The following NWD1 variants were observed in gnomAD, a reference collection of about 807,000 sequenced individuals.
NWD1 encodes NACHT and WD repeat domain containing 1.
NWD1 carries 129 observed loss-of-function variants against 135.1 expected under a neutral mutation model. The observed-to-expected ratio is 0.96, with a 90% CI of 0.83 to 1.11. NWD1 has a LOEUF of 1.11. NWD1 is among the 50% of genes least tolerant of loss of function. The pLI is 0.00. For synonymous variants in NWD1, 773 were observed against 786.0 expected (o/e 0.98, Z 0.28); for missense variants, 1,740 against 1,851.3 (o/e 0.94, Z 1.10).
intron 13 of NWD1, among the ~76,000 whole-genome samples, chr19:16,790,178 GA>G (rs938302420): frequency 6.6e-6 from 1 of 151,732 alleles, no homozygotes. Context: ...ATGCCAGGAG[GA>G]AAAAAAATCT....
At position 16,815,259 on chromosome 19, in the gene NWD1, T is replaced by TG; in HGVS notation, c.*222dup. 1 of 781,612 alleles carries TG rather than the reference T, an allele frequency of 1.3e-6. No homozygotes were observed. Among genetic ancestry groups the TG allele is most frequent in the South Asian group, 1.3e-5 (1 of 74,634 alleles). 48.4% of individuals were successfully genotyped at this position (781,612 alleles called of 1,614,324 possible). A position where few individuals can be genotyped will look rare whatever the true frequency, so the allele number is the denominator to read the frequency against. ...GCAGCTGCAGGAGCTCCCCAGGACT[T>TG]GGAGTCAGAAAGTGCCCAGGGAAAT... On this transcript the variant is annotated 3_prime_UTR_variant, in exon 19 of 19. Coordinates refer to ENST00000524140, the MANE Select transcript of NWD1 (RefSeq NM_001007525.5).
At chr19:16,761,399 T>C (rs1353022760) in intron 7 of NWD1, among the ~76,000 whole-genome samples, 1 of 146,952 alleles carries the variant, frequency 6.8e-6, no homozygotes, top group East Asian at 1.9e-4. Context: ...TTTTTCTTTT[T>C]GGAGTCTCTC....
At chr19:16,761,919 CA>C in intron 7 of NWD1, 59 bp from the exon 8 acceptor site, 1 of 1,452,112 alleles carries the variant, frequency 6.9e-7, no homozygotes, top group Non-Finnish European at 9.5e-7. Context: ...GGAAGACAAG[CA>C]GCCACCTTTG....
At chr19:16,805,191 T>C (rs1047352896) in intron 17 of NWD1, among the ~76,000 whole-genome samples, 1 of 152,070 alleles carries the variant, frequency 6.6e-6, no homozygotes. Flanking sequence ...CCCGAGTAGC[T>C]GAGATTACAG....
rs57075970 is a variant in NWD1, at chr19:16,790,632, TAAAA to T, written c.2941-712_2941-709del. 2.7e-3 allele frequency among the ~76,000 whole-genome samples: 127 copies of T among 47,444 alleles called. 2 individuals are homozygous for T. Among genetic ancestry groups the T allele is most frequent in the African/African-American group, 7.9e-3 (121 of 15,330 alleles). The allele number at this position is 47,444 out of a possible 152,430, so 31.1% of individuals were successfully genotyped here. On this transcript the variant is annotated intron_variant, in intron 13 of 18. Coordinates refer to ENST00000524140, the MANE Select transcript of NWD1 (RefSeq NM_001007525.5). Reference sequence around the variant, plus strand: ...TGTATCCCAAAACTGAAAGTAACATTAAAAAAAAATAAATAAATAAATAAATAAA... The same window carrying T: ...TGTATCCCAAAACTGAAAGTAACATTAAAAATAAATAAATAAATAAATAAA...
chr19:16,733,004 T>A (rs1967641976), intron 3 of NWD1, among the ~76,000 whole-genome samples: 1 of 151,776 alleles, frequency 6.6e-6, no homozygotes, highest in African/African-American at 2.4e-5. Context: ...GGAGGATTGC[T>A]GGAGGCCAGG....
intron 3 of NWD1, among the ~76,000 whole-genome samples, chr19:16,732,658 A>AAAAAAAAAAAG (rs1967624181): frequency 5.7e-5 from 7 of 123,460 alleles, no homozygotes; most frequent in African/African-American, 2.6e-4. Flanking sequence ...TCATCTCAAA[A>AAAAAAAAAAAG]AAAAAAAAAA....
chr19:16,814,931 G>C (rs1666353533), intron 18 of NWD1, 97 bp from the exon 19 acceptor site: 7 of 1,043,972 alleles, frequency 6.7e-6, no homozygotes, highest in Admixed American at 2.2e-5. Flanking sequence ...AGAGGGCATA[G>C]CAGGAATTTT....
rs758899223 is a variant in NWD1 at position 16,779,335 on chromosome 19, G to A, written c.2609-8G>A. The stretch of plus-strand genomic sequence containing the variant: ...GAGATCATTGCTGTTGCCTCTGTGT[G>A]GCTGCAGGCATCACCGCCATGGCAT... On this transcript the variant is annotated splice_polypyrimidine_tract_variant and splice_region_variant and intron_variant, in intron 11 of 18. Coordinates refer to ENST00000524140, the MANE Select transcript of NWD1 (RefSeq NM_001007525.5). The A allele has an allele frequency of 1.2e-6, 2 of 1,613,796 alleles. No individual in the cohort carries two copies. The highest frequency in any genetic ancestry group is 1.7e-6 in the Non-Finnish European group (2 of 1,179,992).
At chr19:16,740,162 G>A (rs1219930216) in intron 4 of NWD1, among the ~76,000 whole-genome samples, 1 of 151,762 alleles carries the variant, frequency 6.6e-6, no homozygotes, top group African/African-American at 2.4e-5. Flanking sequence ...TAGCTGGGGT[G>A]GTGGCTCATG....
At chr19:16,721,016 ATT>A (rs1212489432) in intron 1 of NWD1, among the ~76,000 whole-genome samples, 1 of 151,690 alleles carries the variant, frequency 6.6e-6, no homozygotes, top group Admixed American at 6.6e-5. Flanking sequence ...GCGCCAGCTA[ATT>A]TTTGTATTTT....
rs1055645238 is a variant in NWD1, at chr19:16,763,889, T to C, written c.2195T>C (p.Leu732Ser). The C allele has an allele frequency of 7.4e-6, 12 of 1,613,878 alleles. No homozygotes were observed. Among genetic ancestry groups the C allele is most frequent in the Non-Finnish European group, 1.0e-5 (12 of 1,179,914 alleles). ...GCAAACCTGCGGAAGCTGAAGGAGT[T>C]GCCCTATCACCTGCTTCACTCGGGC... ...TVANLRKLKE[L>S]PYHLLHSGRL... The change falls in exon 9 of 19, where the codon TTG (leucine) becomes TCG (serine). Residue 732 changes from leucine to serine, a missense_variant. By Grantham distance (145) the Leu-to-Ser change is moderately radical. Transcript: ENST00000524140.
chr19:16,800,478 C>T (rs1401150113), intron 17 of NWD1, among the ~76,000 whole-genome samples: 2 of 152,114 alleles, frequency 1.3e-5, no homozygotes, highest in African/African-American at 4.8e-5. Context: ...CTGCAGTGAG[C>T]CGGGATCCTG....
At chr19:16,766,084 G>A (rs928853140) in intron 10 of NWD1, among the ~76,000 whole-genome samples, 2 of 151,174 alleles carry the variant, frequency 1.3e-5, no homozygotes, top group Non-Finnish European at 2.9e-5. Context: ...GAGAAAACTC[G>A]AGGAAATTAT....
chr19:16,781,242 C>T (rs376343624), intron 12 of NWD1, among the ~76,000 whole-genome samples: 1 of 152,084 alleles, frequency 6.6e-6, no homozygotes, highest in East Asian at 1.9e-4. Context: ...AAGGGTCCTC[C>T]CTTTGGGAGA....
intron 1 of NWD1, among the ~76,000 whole-genome samples, chr19:16,720,804 C>T (rs541640963): frequency 3.3e-5 from 5 of 152,230 alleles, no homozygotes; most frequent in East Asian, 3.9e-4. Context: ...CTGCCCTCCT[C>T]GGCTTCCCAA....
rs1428014222 is a variant in NWD1, at chr19:16,744,678, G to T, written c.456G>T (p.Gly152=). ...RSGAQEARRL[G]LITQEQWQHY... is the part of the protein sequence containing the mutation. ...GAGCCCAGGAGGCCCGGAGGCTGGG[G>T]CTCATCACCCAGGAGCAGTGGCAGC... The change falls in exon 5 of 19, where the codon GGG becomes GGT. Residue 152 remains glycine, a synonymous_variant. Coordinates refer to ENST00000524140, the MANE Select transcript of NWD1 (RefSeq NM_001007525.5). 3 of 1,536,012 alleles carry T rather than the reference G, an allele frequency of 2.0e-6. No individual in the cohort carries two copies. Among genetic ancestry groups the T allele is most frequent in the Non-Finnish European group, 2.6e-6 (3 of 1,146,860 alleles).
At chr19:16,778,350 T>C (rs922966029) in intron 11 of NWD1, among the ~76,000 whole-genome samples, 6 of 152,164 alleles carry the variant, frequency 3.9e-5, no homozygotes, top group Non-Finnish European at 5.9e-5. Context: ...CCCAATTCAT[T>C]GGCAAATATA....
chr19:16,797,954 T>C (rs1463749935), intron 16 of NWD1, 68 bp downstream of exon 16: 4 of 1,466,436 alleles, frequency 2.7e-6, no homozygotes, highest in Admixed American at 4.1e-5. Flanking sequence ...TCTTTAGGGA[T>C]TTTTGGCTGC....
Sources: gnomAD v4.1 joint callset for allele counts (sites outside exome capture counted in the v4.1 genomes callset) on GRCh38, gnomAD v4.1.1 for gene constraint, MANE v1.5 for transcripts, NCBI Gene and HGNC (gene_info 2026-07-23, HGNC 2026-07-21) for gene names.